SLC39A10: variants seen among roughly 807,000 people sequenced by gnomAD.
The protein encoded by SLC39A10 is solute carrier family 39 member 10.
A neutral mutation model predicts 65.1 loss-of-function variants in SLC39A10; 13 were observed. The ratio of observed to expected loss-of-function variants is 0.20; its 90% CI spans 0.13 to 0.32. SLC39A10 has a LOEUF of 0.32. Among genes scored for constraint, SLC39A10 ranks in the 10% least tolerant of loss-of-function variants. The pLI, the probability that SLC39A10 is intolerant of heterozygous loss-of-function variation, is 1.00. For synonymous variants in SLC39A10, 321 were observed against 342.2 expected, an observed-to-expected ratio of 0.94 and a Z score of 0.68; for missense variants, 831 against 1,018.4, an observed-to-expected ratio of 0.82 and a Z score of 2.50.
At chr2:195,668,567 G>A (rs1689725241) in intron 1 of SLC39A10, among the ~76,000 whole-genome samples, 1 of 152,182 alleles carries the variant, frequency 6.6e-6, no homozygotes, top group Non-Finnish European at 1.5e-5. Flanking sequence ...GTGTGCATGT[G>A]CACATGTGCA....
At chr2:195,629,129 C>T (rs1351519195) in intron 2 of SLC39A10, among the ~76,000 whole-genome samples, 3 of 152,150 alleles carry the variant, frequency 2.0e-5, no homozygotes, top group Non-Finnish European at 4.4e-5. Context: ...TGGCTTACCC[C>T]TGTAATCCCA....
At chr2:195,659,911 C>T (rs1689317346) in intron 1 of SLC39A10, among the ~76,000 whole-genome samples, 1 of 152,054 alleles carries the variant, frequency 6.6e-6, no homozygotes, top group Admixed American at 6.6e-5. Context: ...TCTACTGGGC[C>T]TTTGGGGGGG....
At chr2:195,615,136 T>G (rs1688177980) in intron 2 of SLC39A10, among the ~76,000 whole-genome samples, 1 of 152,180 alleles carries the variant, frequency 6.6e-6, no homozygotes, top group South Asian at 2.1e-4. Context: ...AGTGAATGTT[T>G]GTTCCCTCAG....
At chr2:195,643,858 T>C (rs1012350709) in intron 2 of SLC39A10, among the ~76,000 whole-genome samples, 1 of 152,274 alleles carries the variant, frequency 6.6e-6, no homozygotes, top group African/African-American at 2.4e-5. Context: ...TTGTATTTGC[T>C]GTTTCCTCCT....
chr2:195,704,037 T>G (rs1691298646), intron 3 of SLC39A10, among the ~76,000 whole-genome samples: 2 of 152,230 alleles, frequency 1.3e-5, no homozygotes, highest in Admixed American at 1.3e-4. Context: ...TAAAAATTTC[T>G]AATAACTATG....
intron 3 of SLC39A10, among the ~76,000 whole-genome samples, chr2:195,702,741 CTT>C (rs1691240977): frequency 6.6e-6 from 1 of 152,212 alleles, no homozygotes; most frequent in Non-Finnish European, 1.5e-5. Flanking sequence ...AAGTTCTTCT[CTT>C]GTCTACAGCT....
Position 195,680,265 on chromosome 2 carries a change from G to A in SLC39A10, c.223G>A (p.Gly75Arg), listed in dbSNP as rs1338961123. ...ACTTTTTGAGCGTTATGGTGAAAATGGAAGATTATCCTTTTTTGGTTTGGA... is the reference window on the plus strand; with the variant it reads ...ACTTTTTGAGCGTTATGGTGAAAATAGAAGATTATCCTTTTTTGGTTTGGA... ...EKLFERYGEN[G>R]RLSFFGLEKL... The change falls in exon 2 of 10, where the codon GGA (glycine) becomes AGA (arginine). Residue 75 changes from glycine (G) to arginine (R), a missense_variant. Coordinates refer to ENST00000359634, the MANE Select transcript of SLC39A10 (RefSeq NM_020342.3). The A allele has an allele frequency of 6.2e-7, 1 of 1,613,930 alleles. No individual in the cohort carries two copies. The highest frequency in any genetic ancestry group is 1.1e-5 in the South Asian group (1 of 90,968).
At position 195,634,417 on chromosome 2, in the gene SLC39A10, T is replaced by C. The variant is rs550985314; in HGVS notation, c.-12+28184T>C. On this transcript the variant is annotated intron_variant, in intron 2 of 2. Coordinates refer to the SLC39A10 transcript ENST00000458054. ...TTATTAAAATTTAATTTTTTCTCTT[T>C]TATTTGATTTGCCTTCATATAAGCC... Among the ~76,000 whole-genome samples the C allele has an allele frequency of 7.9e-5, 12 of 152,322 alleles. 1 individual carries two copies. In the South Asian group the frequency reaches 1.5e-3, roughly 18 times the overall value.
intron 2 of SLC39A10, among the ~76,000 whole-genome samples, chr2:195,646,816 T>C (rs770454340): frequency 6.6e-6 from 1 of 152,204 alleles, no homozygotes; most frequent in Non-Finnish European, 1.5e-5. Context: ...GTGAGGGATC[T>C]AGGTTGCACA....
chr2:195,669,690 C>A (rs1485274919), intron 1 of SLC39A10, among the ~76,000 whole-genome samples: 2 of 151,964 alleles, frequency 1.3e-5, no homozygotes, highest in East Asian at 3.9e-4. Context: ...AACTACAATC[C>A]AAAGCCTATA....
intron 6 of SLC39A10, 77 bp from the exon 7 acceptor site, chr2:195,716,560 C>T (rs965578987): frequency 3.1e-6 from 3 of 962,996 alleles, no homozygotes; most frequent in African/African-American, 4.6e-5. Context: ...ATGTTCATTG[C>T]ACTGCTATTC....
intron 2 of SLC39A10, among the ~76,000 whole-genome samples, chr2:195,632,290 CTTTTTTTTTTTTTTT>C (rs202193660): frequency 5.8e-5 from 4 of 69,254 alleles, no homozygotes; most frequent in East Asian, 6.3e-4. Flanking sequence ...ATTCTACTTC[CTTTTTTTTTTTTTTT>C]TTTTTTTTTT....
At chr2:195,731,507 G>A (rs1445506648) in intron 9 of SLC39A10, among the ~76,000 whole-genome samples, 1 of 152,210 alleles carries the variant, frequency 6.6e-6, no homozygotes, top group South Asian at 2.1e-4. Context: ...GGGAGGACAG[G>A]CATTTTTGTC....
rs375134975 is a variant in SLC39A10 at position 195,688,495 on chromosome 2, T to C, written c.1216+4589T>C. 9.9e-5 allele frequency among the ~76,000 whole-genome samples: 15 copies of C among 152,208 alleles called. No individual in the cohort carries two copies. The South Asian group carries it at 1.4e-3, about 15-fold the overall frequency. On this transcript the variant is annotated intron_variant, in intron 3 of 9. Transcript: ENST00000359634. The stretch of plus-strand genomic sequence containing the variant: ...GGATTATTCCTTGGAAGATTCCAAG[T>C]TGTTAGAAGAATGAACTATCATTTG...
At chr2:195,681,524 C>CA (rs1438238014) in intron 2 of SLC39A10, among the ~76,000 whole-genome samples, 3 of 151,372 alleles carry the variant, frequency 2.0e-5, no homozygotes, top group Non-Finnish European at 4.4e-5. Context: ...GTCTCCATCT[C>CA]AAAAAAAGAA....
At chr2:195,734,327 C>T (rs56201258) in intron 9 of SLC39A10, among the ~76,000 whole-genome samples, 4,317 of 152,102 alleles carry the variant, frequency 0.028, 71 homozygotes, top group Middle Eastern at 0.054. Flanking sequence ...TGCCCCACCA[C>T]GCCCAGCTAA....
intron 2 of SLC39A10, among the ~76,000 whole-genome samples, chr2:195,648,997 A>C (rs1688980629): frequency 6.6e-6 from 1 of 152,210 alleles, no homozygotes; most frequent in Admixed American, 6.5e-5. Context: ...GGGTGTGATG[A>C]AATCATTGGA....
rs1403473852 is a variant in SLC39A10 at position 195,716,863 on chromosome 2, C to A, written c.1923C>A (p.His641Gln). The A allele has an allele frequency of 1.9e-6, 3 of 1,614,162 alleles. No homozygotes were observed. The South Asian group carries it at 3.3e-5, about 18-fold the overall frequency. Residue 641 changes from histidine to glutamine, a missense_variant, in exon 7 of 10, where the codon CAC (histidine) becomes CAA (glutamine). Physicochemically the swap from His to Gln is conservative, Grantham distance 24. Coordinates refer to ENST00000359634, the MANE Select transcript of SLC39A10 (RefSeq NM_020342.3). ...AAACTGTGCTGAGGAAGCATAATCA[C>A]CAGTGGCACCACAAGCATTCTCATC... The part of the protein sequence containing the change: ...ENKTVLRKHN[H>Q]QWHHKHSHHS...
In SLC39A10 at chr2:195,617,812, G is replaced by T. The variant is rs542160662; in HGVS notation, c.-12+11579G>T. Among the ~76,000 whole-genome samples the T allele has an allele frequency of 1.8e-4, 27 of 150,814 alleles. No individual in the cohort carries two copies. In the East Asian group the frequency reaches 3.7e-3, roughly 21 times the overall value. ...TGGAGTGCAGTGGCACAATCTCGGC[G>T]GACTGCAAGCTCTGCCTCCTAGGGT... On this transcript the variant is annotated intron_variant, in intron 2 of 2. Transcript: ENST00000458054.
Sources: allele counts gnomAD v4.1 joint callset (sites outside exome capture counted in the v4.1 genomes callset), GRCh38; gene constraint gnomAD v4.1.1; transcripts MANE v1.5; gene names NCBI Gene and HGNC (gene_info 2026-07-23, HGNC 2026-07-21).